KCNN2: variants seen among roughly 807,000 people sequenced by gnomAD.
KCNN2 encodes potassium calcium-activated channel subfamily N member 2.
In KCNN2, 24 loss-of-function variants were observed where a neutral mutation model predicts 55.5. The ratio of observed to expected loss-of-function variants is 0.43; its 90% CI spans 0.31 to 0.61. The LOEUF (loss-of-function observed/expected upper bound fraction) is 0.61. Among genes scored for constraint, KCNN2 ranks in the 20% least tolerant of loss-of-function variants. The pLI is 0.08. For missense variants in KCNN2, 754 were observed against 853.6 expected (o/e 0.88, Z 1.45); for synonymous variants, 431 against 336.1 (o/e 1.28, Z -3.09).
chr5:114,187,147 T>A (rs1010184078), intron 1 of KCNN2, among the ~76,000 whole-genome samples: 1 of 152,216 alleles, frequency 6.6e-6, no homozygotes, highest in Non-Finnish European at 1.5e-5. Context: ...CCTAAATGAC[T>A]GGTTAAGTAT....
chr5:114,330,054 A>G (rs939536720), intron 2 of KCNN2, among the ~76,000 whole-genome samples: 3 of 152,084 alleles, frequency 2.0e-5, no homozygotes, highest in African/African-American at 7.2e-5. Context: ...TTAGACACCA[A>G]AGCCCCTGTG....
At chr5:114,278,586 C>T (rs1755543034) in intron 2 of KCNN2, among the ~76,000 whole-genome samples, 1 of 152,256 alleles carries the variant, frequency 6.6e-6, no homozygotes, top group Non-Finnish European at 1.5e-5. Flanking sequence ...GCAGACGCCC[C>T]TTCCCCACCT....
chr5:114,058,674 A>G (rs1295837804), intron 1 of KCNN2, among the ~76,000 whole-genome samples: 2 of 152,228 alleles, frequency 1.3e-5, no homozygotes, highest in African/African-American at 2.4e-5. Flanking sequence ...AAAGCAGCCT[A>G]GAGTGACGCA....
chr5:114,395,983 C>T (rs1266259923), intron 2 of KCNN2, among the ~76,000 whole-genome samples: 4 of 152,192 alleles, frequency 2.6e-5, no homozygotes, highest in Admixed American at 6.5e-5. Context: ...CCAGACTTCT[C>T]TTCTGAGTGA....
intron 2 of KCNN2, among the ~76,000 whole-genome samples, chr5:114,352,675 C>T (rs1757229884): frequency 6.6e-6 from 1 of 151,606 alleles, no homozygotes; most frequent in African/African-American, 2.4e-5. Context: ...GTGATTTCTT[C>T]TTTGATTCTT....
At chr5:114,278,799 G>A (rs927748045) in intron 2 of KCNN2, among the ~76,000 whole-genome samples, 2 of 152,166 alleles carry the variant, frequency 1.3e-5, no homozygotes, top group African/African-American at 4.8e-5. Context: ...CTAGGAAAGG[G>A]AAATCCTCTG....
rs570722530 is a variant in KCNN2, at chr5:114,273,676, T to A, written c.-185+52111T>A. ...TTTTGAGAAGTGTCTGTTCATATCC[T>A]TTGCCCATTTTTGGATGGGGTTGTT... is the stretch of plus-strand genomic sequence containing the variant. On this transcript the variant is annotated intron_variant, in intron 2 of 10. Coordinates refer to the KCNN2 transcript ENST00000512097. 2.0e-5 allele frequency among the ~76,000 whole-genome samples: 3 copies of A among 152,336 alleles called. No individual in the cohort carries two copies. The South Asian group carries it at 6.2e-4, about 32-fold the overall frequency.
At chr5:114,190,067 A>T (rs949297504) in intron 1 of KCNN2, among the ~76,000 whole-genome samples, 2 of 152,152 alleles carry the variant, frequency 1.3e-5, no homozygotes, top group African/African-American at 4.8e-5. Context: ...AAAAATTGAT[A>T]ATTTGGCTTC....
At chr5:114,180,358 A>G (rs1202036636) in intron 1 of KCNN2, among the ~76,000 whole-genome samples, 3 of 152,120 alleles carry the variant, frequency 2.0e-5, no homozygotes, top group Non-Finnish European at 4.4e-5. Flanking sequence ...ACAGTTAGCA[A>G]TACATTTCAG....
At chr5:114,087,749 T>C (rs537371050) in intron 1 of KCNN2, among the ~76,000 whole-genome samples, 1 of 152,274 alleles carries the variant, frequency 6.6e-6, no homozygotes, top group South Asian at 2.1e-4. Flanking sequence ...CCATTGTGTC[T>C]TCTCTCTTGG....
At chr5:114,188,308 A>C (rs1753380734) in intron 1 of KCNN2, among the ~76,000 whole-genome samples, 1 of 152,158 alleles carries the variant, frequency 6.6e-6, no homozygotes, top group African/African-American at 2.4e-5. Flanking sequence ...GATCAAAACA[A>C]TTCACTAGAC....
chr5:114,316,093 C>A (rs979123740), intron 2 of KCNN2, among the ~76,000 whole-genome samples: 6 of 152,114 alleles, frequency 3.9e-5, no homozygotes, highest in Non-Finnish European at 8.8e-5. Flanking sequence ...TCATCACACA[C>A]GCATATAGTG....
rs540632049 is a variant in KCNN2 at position 114,489,638 on chromosome 5, C to A, written c.2018+2461C>A. Among the ~76,000 whole-genome samples the A allele has an allele frequency of 3.9e-5, 6 of 152,226 alleles. No individual in the cohort carries two copies. In the South Asian group the frequency reaches 1.0e-3, roughly 26 times the overall value. ...GACATTTATACTTCTAAAAGTGTAA[C>A]TGAGTACGTTTATTCATGCAAGCTT... On this transcript the variant is annotated intron_variant, in intron 6 of 7. Transcript: ENST00000673685.
At chr5:114,069,171 C>T (rs1750513934) in intron 1 of KCNN2, among the ~76,000 whole-genome samples, 1 of 152,162 alleles carries the variant, frequency 6.6e-6, no homozygotes, top group Non-Finnish European at 1.5e-5. Flanking sequence ...GGAGTTTGTA[C>T]AGTGTACCTG....
chr5:114,309,780 G>C (rs1274541032), intron 2 of KCNN2, among the ~76,000 whole-genome samples: 2 of 152,136 alleles, frequency 1.3e-5, no homozygotes, highest in Admixed American at 6.5e-5. Context: ...AGTGCAAAGT[G>C]ACTCCTGGCT....
At chr5:114,233,848 C>T (rs996548014) in intron 2 of KCNN2, among the ~76,000 whole-genome samples, 1 of 152,128 alleles carries the variant, frequency 6.6e-6, no homozygotes, top group African/African-American at 2.4e-5. Context: ...TTTTTCTTCT[C>T]TGTTCCCTAT....
chr5:114,328,004 T>A (rs1165005877), intron 2 of KCNN2, among the ~76,000 whole-genome samples: 1 of 152,224 alleles, frequency 6.6e-6, no homozygotes, highest in Non-Finnish European at 1.5e-5. Context: ...AGTGGTCTTT[T>A]ATATAGAGGT....
chr5:114,191,309 G>A (rs903521792), intron 1 of KCNN2, among the ~76,000 whole-genome samples: 1 of 152,080 alleles, frequency 6.6e-6, no homozygotes, highest in Non-Finnish European at 1.5e-5. Flanking sequence ...TTCACCCAGA[G>A]CATTCCCATA....
rs1289991085 is a variant in KCNN2 at position 114,442,915 on chromosome 5, G to C, written c.1638-20134G>C. Among the ~76,000 whole-genome samples, 3 of 151,978 alleles carry C rather than the reference G, an allele frequency of 2.0e-5. No individual in the cohort carries two copies. The East Asian group carries it at 5.8e-4, about 29-fold the overall frequency. On this transcript the variant is annotated intron_variant, in intron 3 of 7. Coordinates refer to ENST00000673685, the MANE Select transcript of KCNN2 (RefSeq NM_021614.4). ...ACATAGTGCATGAGCATGGTCAGAA[G>C]GGTAAATTGGAACGTCATTTAGAGG...
Sources: gnomAD v4.1 joint callset for allele counts (sites outside exome capture counted in the v4.1 genomes callset) on GRCh38, gnomAD v4.1.1 for gene constraint, MANE v1.5 for transcripts, NCBI Gene and HGNC (gene_info 2026-07-23, HGNC 2026-07-21) for gene names.